Variants in PSMG2 observed in about 807,000 individuals in gnomAD.
PSMG2 encodes the protein proteasome assembly chaperone 2.
In PSMG2, 21 loss-of-function variants were observed where a neutral mutation model predicts 31.5. The observed-to-expected ratio is 0.67, with a 90% CI of 0.47 to 0.96. The LOEUF (loss-of-function observed/expected upper bound fraction) is 0.96, where lower values mean the gene tolerates loss of function less well. Among genes scored for constraint, PSMG2 ranks in the 40% least tolerant of loss-of-function variants. The probability of loss-of-function intolerance (pLI) is 0.00; values close to 1 mark genes in which losing one functional copy is unlikely to be tolerated. For synonymous variants in PSMG2, 120 were observed against 110.4 expected, an observed-to-expected ratio of 1.09 and a Z score of -0.54; for missense variants, 318 against 321.2, an observed-to-expected ratio of 0.99 and a Z score of 0.08.
intron 1 of PSMG2, among the ~76,000 whole-genome samples, chr18:12,677,905 A>G (rs553590788): frequency 3.3e-5 from 5 of 152,336 alleles, no homozygotes; most frequent in African/African-American, 9.6e-5. Context: ...AATTCATTCT[A>G]TAAGTATTAA....
intron 6 of PSMG2, 129 bp downstream of exon 6, chr18:12,724,748 T>A: frequency 1.9e-6 from 2 of 1,064,488 alleles, no homozygotes; most frequent in Admixed American, 8.0e-5. Flanking sequence ...TTACATAAAA[T>A]TTAGTTTAAG....
At chr18:12,698,012 G>C (rs530810162) in intron 1 of PSMG2, among the ~76,000 whole-genome samples, 1 of 151,728 alleles carries the variant, frequency 6.6e-6, no homozygotes, top group South Asian at 2.1e-4. Flanking sequence ...TACCTTTACT[G>C]AAAGAAACAT....
At chr18:12,689,745 T>TA (rs1273783863) in intron 1 of PSMG2, among the ~76,000 whole-genome samples, 1 of 152,034 alleles carries the variant, frequency 6.6e-6, no homozygotes, top group African/African-American at 2.4e-5. Flanking sequence ...TCAGACTATA[T>TA]AGACAGCAGG....
At chr18:12,673,314 T>A in intron 1 of PSMG2, 1 of 1,561,026 alleles carries the variant, frequency 6.4e-7, no homozygotes, top group Non-Finnish European at 8.6e-7. Context: ...TAATGTACAA[T>A]GTGTAAAATT....
At chr18:12,700,139 A>C (rs2040102343), upstream of PSMG2, 3 of 316,470 alleles carry the variant, frequency 9.5e-6, no homozygotes, top group Non-Finnish European at 1.7e-5. Context: ...TCTTCAAGTA[A>C]TACTATCCAC....
At chr18:12,712,885 A>G (rs2040344682) in intron 3 of PSMG2, 125 bp downstream of exon 3, 2 of 620,284 alleles carry the variant, frequency 3.2e-6, no homozygotes, top group African/African-American at 1.9e-5. Flanking sequence ...CTGATTCTAC[A>G]GAGAAATAAT....
chr18:12,668,655 A>G (rs2038859002), intron 1 of PSMG2, among the ~76,000 whole-genome samples: 1 of 150,752 alleles, frequency 6.6e-6, no homozygotes, highest in Admixed American at 6.7e-5. Context: ...ATCCAATCAA[A>G]AAGCTGAAAC....
At chr18:12,683,824 A>G (rs2039439612) in intron 1 of PSMG2, among the ~76,000 whole-genome samples, 1 of 152,080 alleles carries the variant, frequency 6.6e-6, no homozygotes, top group Non-Finnish European at 1.5e-5. Context: ...ATGCTTAATT[A>G]TAAAGCAAGA....
chr18:12,703,593 C>T (rs541225111), intron 1 of PSMG2, among the ~76,000 whole-genome samples: 4 of 152,306 alleles, frequency 2.6e-5, no homozygotes, highest in African/African-American at 9.6e-5. Context: ...GCAGTTTTAT[C>T]GCTCTTTATA....
At chr18:12,661,244 C>G (rs1235203180) in intron 1 of PSMG2, 2 of 286,028 alleles carry the variant, frequency 7.0e-6, no homozygotes, top group African/African-American at 4.6e-5. Flanking sequence ...GGAGGCGGAG[C>G]GTGCAGTGAG....
At chr18:12,718,463 T>C (rs1406330899) in intron 3 of PSMG2, 54 bp from the exon 4 acceptor site, 1 of 1,026,286 alleles carries the variant, frequency 9.7e-7, no homozygotes, top group Non-Finnish European at 1.4e-6. Context: ...AATGTTTGTA[T>C]GCTCTAAGAC....
intron 1 of PSMG2, among the ~76,000 whole-genome samples, chr18:12,669,337 CCT>C (rs1366820504): frequency 6.6e-6 from 1 of 151,992 alleles, no homozygotes; most frequent in African/African-American, 2.4e-5. Flanking sequence ...GTCTCGAACT[CCT>C]GACCTCAGGT....
intron 2 of PSMG2, among the ~76,000 whole-genome samples, chr18:12,711,864 C>T (rs1039288214): frequency 6.6e-6 from 1 of 151,294 alleles, no homozygotes. Flanking sequence ...CGCCGTTCTC[C>T]TGCCTCAGCC....
chr18:12,711,619 A>G (rs1186123945), intron 2 of PSMG2, among the ~76,000 whole-genome samples: 1 of 152,170 alleles, frequency 6.6e-6, no homozygotes, highest in Non-Finnish European at 1.5e-5. Flanking sequence ...CTGTAACAGT[A>G]GAGACCTGAT....
chr18:12,673,307 T>C (rs1442641714), intron 1 of PSMG2: 3 of 1,554,800 alleles, frequency 1.9e-6, no homozygotes, highest in Non-Finnish European at 2.6e-6. Context: ...AGCTAAGTAA[T>C]GTACAATGTG....
chr18:12,689,872 C>T (rs2039686843), intron 1 of PSMG2, among the ~76,000 whole-genome samples: 1 of 152,204 alleles, frequency 6.6e-6, no homozygotes, highest in South Asian at 2.1e-4. Flanking sequence ...TCACTGCAAC[C>T]TCCGCCTCCC....
At chr18:12,677,440 G>C (rs962989176) in intron 1 of PSMG2, among the ~76,000 whole-genome samples, 2 of 115,120 alleles carry the variant, frequency 1.7e-5, no homozygotes, top group Admixed American at 1.2e-4. Context: ...CTGGGTGACA[G>C]AGCGAGAGAT....
intron 1 of PSMG2, chr18:12,674,725 T>C (rs746237395): frequency 6.2e-7 from 1 of 1,614,024 alleles, no homozygotes; most frequent in Non-Finnish European, 8.5e-7. Flanking sequence ...GGAGAGCTGG[T>C]CTTCCCAAAC....
intron 1 of PSMG2, among the ~76,000 whole-genome samples, chr18:12,695,852 C>CCACACACACACACACACA (rs375916938): frequency 2.0e-5 from 3 of 148,284 alleles, no homozygotes; most frequent in African/African-American, 7.4e-5. Context: ...CATTCCTTCT[C>CCACACACACACACACACA]CACACACACA....
Sources: allele counts gnomAD v4.1 joint callset (sites outside exome capture counted in the v4.1 genomes callset), GRCh38; gene constraint gnomAD v4.1.1; transcripts MANE v1.5; gene names NCBI Gene and HGNC (gene_info 2026-07-23, HGNC 2026-07-21).